The following TSHZ2 variants were observed in gnomAD, a reference collection of about 807,000 sequenced individuals.
TSHZ2 encodes the protein teashirt homolog 2.
TSHZ2 carries 21 observed loss-of-function variants against 74.4 expected under a neutral mutation model. The ratio of observed to expected loss-of-function variants is 0.28; its 90% CI spans 0.20 to 0.41. The LOEUF is 0.41. Among genes scored for constraint, TSHZ2 ranks in the 10% least tolerant of loss-of-function variants. The pLI, the probability that TSHZ2 is intolerant of heterozygous loss-of-function variation, is 1.00. For missense variants in TSHZ2, 1,244 were observed against 1,293.5 expected (o/e 0.96, Z 0.59); for synonymous variants, 540 against 515.3 (o/e 1.05, Z -0.65).
At chr20:53,452,552 T>C (rs1451881833) in intron 2 of TSHZ2, among the ~76,000 whole-genome samples, 31 of 150,222 alleles carry the variant, frequency 2.1e-4, no homozygotes, top group Non-Finnish European at 1.6e-4. Flanking sequence ...TGAGCTAAGA[T>C]TGAGCCACCG....
chr20:53,483,746 T>C (rs777146771), intron 2 of TSHZ2, among the ~76,000 whole-genome samples: 1 of 152,198 alleles, frequency 6.6e-6, no homozygotes, highest in Non-Finnish European at 1.5e-5. Flanking sequence ...AATATGTTAA[T>C]GTGTGTTGTG....
intron 2 of TSHZ2, among the ~76,000 whole-genome samples, chr20:53,301,990 C>T (rs1047541189): frequency 2.0e-5 from 3 of 152,142 alleles, no homozygotes; most frequent in African/African-American, 7.2e-5. Context: ...TAGTTGAATA[C>T]CCAGGGAGGC....
At chr20:53,271,378 C>T (rs1990834756) in intron 2 of TSHZ2, among the ~76,000 whole-genome samples, 1 of 152,222 alleles carries the variant, frequency 6.6e-6, no homozygotes, top group Non-Finnish European at 1.5e-5. Flanking sequence ...AAATACAACC[C>T]ACTAAGCACC....
intron 2 of TSHZ2, among the ~76,000 whole-genome samples, chr20:53,447,424 G>A (rs142223683): frequency 1.4e-4 from 22 of 152,196 alleles, no homozygotes; most frequent in Admixed American, 7.9e-4. Flanking sequence ...GCAAAAAATC[G>A]CAGTTTATGC....
In TSHZ2 at chr20:53,460,430, A is replaced by G. The variant is rs1985311010; in HGVS notation, c.*9-26714A>G. 5.9e-5 allele frequency among the ~76,000 whole-genome samples: 9 copies of G among 152,054 alleles called. No individual in the cohort carries two copies. The South Asian group carries it at 1.7e-3, about 28-fold the overall frequency. ...CTTTAAGCACTTCTCTGTATTGGTT[A>G]TTCTAGTTATGCATTCTTCTAAAGT... On this transcript the variant is annotated intron_variant, in intron 2 of 2. Transcript: ENST00000371497.
At chr20:53,224,932 T>A (rs1053103388) in intron 1 of TSHZ2, among the ~76,000 whole-genome samples, 1 of 152,082 alleles carries the variant, frequency 6.6e-6, no homozygotes, top group Non-Finnish European at 1.5e-5. Flanking sequence ...GAACTGGAGA[T>A]GATTAATTAT....
intron 1 of TSHZ2, among the ~76,000 whole-genome samples, chr20:53,097,116 A>T (rs1446513166): frequency 6.6e-6 from 1 of 152,112 alleles, no homozygotes; most frequent in Non-Finnish European, 1.5e-5. Context: ...TCAATCAAAA[A>T]TGTCTCCAGA....
At chr20:53,027,962 G>T (rs1277040635) in intron 1 of TSHZ2, among the ~76,000 whole-genome samples, 1 of 152,166 alleles carries the variant, frequency 6.6e-6, no homozygotes, top group Non-Finnish European at 1.5e-5. Context: ...TGCAGTCAGG[G>T]GAAAAGTGGG....
intron 2 of TSHZ2, among the ~76,000 whole-genome samples, chr20:53,366,730 T>C (rs937533738): frequency 3.3e-5 from 5 of 152,230 alleles, no homozygotes; most frequent in African/African-American, 1.2e-4. Flanking sequence ...TAGACCACAC[T>C]CTGTTCCATA....
intron 1 of TSHZ2, among the ~76,000 whole-genome samples, chr20:53,127,632 A>G (rs750952931): frequency 2.0e-4 from 30 of 152,360 alleles, no homozygotes; most frequent in Non-Finnish European, 3.4e-4. Context: ...CCAACCATGG[A>G]AAGATCAGTG....
At chr20:53,120,853 C>G (rs1282320206) in intron 1 of TSHZ2, among the ~76,000 whole-genome samples, 2 of 152,202 alleles carry the variant, frequency 1.3e-5, no homozygotes, top group Non-Finnish European at 2.9e-5. Flanking sequence ...GAAATAGATA[C>G]TTTTCCTCTG....
At chr20:53,228,015 T>C (rs1989723672) in intron 1 of TSHZ2, among the ~76,000 whole-genome samples, 1 of 137,544 alleles carries the variant, frequency 7.3e-6, no homozygotes, top group South Asian at 2.3e-4. Flanking sequence ...TAATTTCAAA[T>C]GGTGTTTTTT....
intron 1 of TSHZ2, among the ~76,000 whole-genome samples, chr20:53,067,634 C>T (rs1985034341): frequency 1.3e-5 from 2 of 152,226 alleles, no homozygotes; most frequent in Admixed American, 1.3e-4. Context: ...TACTTTCCCA[C>T]TCCATCTCTG....
chr20:53,065,751 T>C (rs1984964289), intron 1 of TSHZ2, among the ~76,000 whole-genome samples: 1 of 152,348 alleles, frequency 6.6e-6, no homozygotes, highest in South Asian at 2.1e-4. Context: ...GACGTGAATA[T>C]ATAGGTCTCT....
At chr20:52,987,175 A>G (rs757620525) in intron 1 of TSHZ2, among the ~76,000 whole-genome samples, 11 of 152,156 alleles carry the variant, frequency 7.2e-5, no homozygotes, top group Non-Finnish European at 1.2e-4. Flanking sequence ...AAATTTTGCA[A>G]ATATGGAGGG....
rs1332172044 is a variant in TSHZ2 at position 53,381,925 on chromosome 20, CTCTT to C, written c.*9-105214_*9-105211del. On this transcript the variant is annotated intron_variant, in intron 2 of 2. Coordinates refer to ENST00000371497, the MANE Select transcript of TSHZ2 (RefSeq NM_173485.6). The stretch of plus-strand genomic sequence containing the variant: ...TTGTGGGCATTGCTTTCTCTGCCAG[CTCTT>C]TCTTCTCTGTTGAGCTCTGTACCTT... Among the ~76,000 whole-genome samples, 4 of 152,190 alleles carry C rather than the reference CTCTT, an allele frequency of 2.6e-5. No homozygotes were observed. The East Asian group carries it at 7.7e-4, about 29-fold the overall frequency.
chr20:53,219,145 C>T (rs964456569), intron 1 of TSHZ2, among the ~76,000 whole-genome samples: 1 of 152,186 alleles, frequency 6.6e-6, no homozygotes, highest in Non-Finnish European at 1.5e-5. Context: ...AAGCCAATTT[C>T]TCATTTCTCC....
intron 2 of TSHZ2, among the ~76,000 whole-genome samples, chr20:53,341,592 T>A (rs1980205694): frequency 6.6e-6 from 1 of 152,158 alleles, no homozygotes; most frequent in South Asian, 2.1e-4. Flanking sequence ...CCCAAAGTGC[T>A]GGAATTACAG....
At chr20:53,052,698 G>A (rs1423538999) in intron 1 of TSHZ2, among the ~76,000 whole-genome samples, 5 of 152,124 alleles carry the variant, frequency 3.3e-5, no homozygotes, top group Non-Finnish European at 7.4e-5. Flanking sequence ...TTCATCTGTT[G>A]ATGGACACAT....
Sources: gnomAD v4.1 joint callset for allele counts (sites outside exome capture counted in the v4.1 genomes callset) on GRCh38, gnomAD v4.1.1 for gene constraint, MANE v1.5 for transcripts, NCBI Gene and HGNC (gene_info 2026-07-23, HGNC 2026-07-21) for gene names.